NGLY1: variants seen among roughly 807,000 people sequenced by gnomAD.
NGLY1 encodes the protein peptide-N(4)-(N-acetyl-beta-glucosaminyl)asparagine amidase.
In NGLY1, 68 loss-of-function variants were observed where a neutral mutation model predicts 84.6. The ratio of observed to expected loss-of-function variants is 0.80; its 90% CI spans 0.66 to 0.98. The LOEUF (loss-of-function observed/expected upper bound fraction) is 0.98. Among genes scored for constraint, NGLY1 ranks in the 50% least tolerant of loss-of-function variants. NGLY1 has a pLI of 0.00. For missense variants in NGLY1, 779 were observed against 770.2 expected (o/e 1.01, Z -0.14); for synonymous variants, 280 against 275.2 (o/e 1.02, Z -0.17).
At chr3:25,742,635 C>T (rs1217798882) in intron 4 of NGLY1, among the ~76,000 whole-genome samples, 1 of 152,000 alleles carries the variant, frequency 6.6e-6, no homozygotes, top group East Asian at 1.9e-4. Flanking sequence ...GTTTTAGAAA[C>T]AGAGGACTGT....
intron 2 of NGLY1, among the ~76,000 whole-genome samples, chr3:25,775,454 C>T (rs935017267): frequency 1.2e-4 from 18 of 151,940 alleles, no homozygotes; most frequent in Admixed American, 9.8e-4. Context: ...TATTATTCCA[C>T]CATAAAAAAG....
intron 3 of NGLY1, chr3:25,755,809 C>T (rs1707008584): frequency 3.5e-6 from 2 of 567,346 alleles, no homozygotes; most frequent in South Asian, 5.0e-5. Context: ...ACTGTTAGAT[C>T]TCTTTAGTAA....
At chr3:25,790,006 AAG>A (rs1708690823) in exon 1 of NGLY1, 9 of 1,040,816 alleles carry the variant, frequency 8.6e-6, no homozygotes, top group African/African-American at 6.4e-5. Context: ...AACCGGCGGA[AAG>A]AGAGTCGAAC....
chr3:25,776,982 G>C (rs183946406), intron 2 of NGLY1, among the ~76,000 whole-genome samples: 4 of 152,114 alleles, frequency 2.6e-5, no homozygotes, highest in Non-Finnish European at 4.4e-5. Context: ...TTCTTATTTA[G>C]ACTAATGTAA....
chr3:25,736,158 G>GT lies in NGLY1; in HGVS notation c.1004-10dup, dbSNP rs1705808905. ...TTCTGTCCAGACATGGTCTACTCAA[G>GT]TAAGAGAAAAGAGAGCAATGGAAAA... is the stretch of plus-strand genomic sequence containing the variant. On this transcript the variant is annotated splice_polypyrimidine_tract_variant and intron_variant, in intron 6 of 11. Coordinates refer to ENST00000280700, the MANE Select transcript of NGLY1 (RefSeq NM_018297.4). The GT allele has an allele frequency of 6.2e-7, 1 of 1,609,254 alleles. No homozygotes were observed. The highest frequency in any genetic ancestry group is 8.5e-7 in the Non-Finnish European group (1 of 1,178,132).
At chr3:25,781,582 G>A (rs1708419917) in intron 1 of NGLY1, among the ~76,000 whole-genome samples, 1 of 152,038 alleles carries the variant, frequency 6.6e-6, no homozygotes, top group Admixed American at 6.6e-5. Context: ...TATCCTTTGC[G>A]CTCATTGTCA....
chr3:25,735,532 C>G (rs950066328), intron 7 of NGLY1: 1 of 153,070 alleles, frequency 6.5e-6, no homozygotes, highest in Non-Finnish European at 1.5e-5. Flanking sequence ...TCAGATCATA[C>G]TAAATGTTAG....
chr3:25,729,432 T>C, intron 9 of NGLY1, 114 bp from the exon 10 acceptor site: 2 of 548,660 alleles, frequency 3.6e-6, no homozygotes, highest in Non-Finnish European at 5.6e-6. Context: ...AAGAAAAAAT[T>C]AGTGCCATTG....
chr3:25,771,521 G>A (rs1424612650), intron 2 of NGLY1, among the ~76,000 whole-genome samples: 1 of 152,012 alleles, frequency 6.6e-6, no homozygotes, highest in Non-Finnish European at 1.5e-5. Flanking sequence ...GGCTACGTAG[G>A]CTGCTTTTAA....
At chr3:25,728,742 G>A (rs1392128805) in intron 10 of NGLY1, among the ~76,000 whole-genome samples, 3 of 151,876 alleles carry the variant, frequency 2.0e-5, no homozygotes, top group Non-Finnish European at 2.9e-5. Context: ...TAAATAGCCT[G>A]TATTTAATGG....
At chr3:25,730,188 TTAATTC>T (rs1705470443) in intron 9 of NGLY1, 1 of 152,044 alleles carries the variant, frequency 6.6e-6, no homozygotes, top group South Asian at 2.1e-4. Flanking sequence ...ATAAAATATT[TTAATTC>T]TAAGATTAAA....
chr3:25,783,005 G>A lies in NGLY1; in HGVS notation c.131+255C>T, dbSNP rs371866612. 1.7e-4 allele frequency: 75 copies of A among 431,528 alleles called. No homozygotes were observed. The East Asian group carries it at 2.3e-3, about 13-fold the overall frequency. 26.7% of individuals were successfully genotyped at this position (431,528 alleles called of 1,614,324 possible). ...CCGCTTCCGGGACTCCAGTTCACCCGCAGCACCCTGACTGCAGGTGCCAAG... is the reference window on the plus strand; with the variant it reads ...CCGCTTCCGGGACTCCAGTTCACCCACAGCACCCTGACTGCAGGTGCCAAG... On this transcript the variant is annotated intron_variant, in intron 1 of 11. Transcript: ENST00000280700. The surrounding 1 kb of genome is among the most constrained non-coding windows in gnomAD (Gnocchi z 4.5).
chr3:25,768,756 A>G (rs1296391632), intron 2 of NGLY1, among the ~76,000 whole-genome samples: 1 of 151,596 alleles, frequency 6.6e-6, no homozygotes, highest in Non-Finnish European at 1.5e-5. Flanking sequence ...CGTGTTAGAC[A>G]TGGTCTCAAA....
intron 9 of NGLY1, among the ~76,000 whole-genome samples, chr3:25,731,536 C>T (rs1326927159): frequency 6.6e-6 from 1 of 152,028 alleles, no homozygotes. Flanking sequence ...AACTGTTTGG[C>T]AATATGTACT....
rs143353538 is a variant in NGLY1, at chr3:25,739,762, C to G, written c.696G>C (p.Glu232Asp). 3.7e-6 allele frequency: 6 copies of G among 1,613,902 alleles called. No homozygotes were observed. The highest frequency in any genetic ancestry group is 5.1e-6 in the Non-Finnish European group (6 of 1,179,986). ...ATTCTTCCTTAAACCAGTGCAAAAG[C>G]TCCAGCAAAAGAAAATCCTCATCAC... The part of the protein sequence containing the change: ...NISDEDFLLL[E>D]LLHWFKEEFF... Residue 232 changes from glutamate (E) to aspartate (D), a missense_variant, in exon 5 of 12, where the codon GAG becomes GAC. By Grantham distance (45) the Glu-to-Asp change is conservative (BLOSUM62 2). Coordinates refer to ENST00000280700, the MANE Select transcript of NGLY1 (RefSeq NM_018297.4).
chr3:25,732,791 A>G (rs1198096535), intron 8 of NGLY1, among the ~76,000 whole-genome samples: 1 of 152,202 alleles, frequency 6.6e-6, no homozygotes, highest in Non-Finnish European at 1.5e-5. Flanking sequence ...GGCTTGTGTC[A>G]GAATGTCTTA....
intron 2 of NGLY1, among the ~76,000 whole-genome samples, chr3:25,775,551 T>G (rs1239416306): frequency 6.6e-6 from 1 of 152,060 alleles, no homozygotes; most frequent in Non-Finnish European, 1.5e-5. Flanking sequence ...GAAAGACAAA[T>G]AACACATGTT....
intron 3 of NGLY1, chr3:25,755,557 C>A: frequency 7.0e-7 from 1 of 1,430,522 alleles, no homozygotes; most frequent in Non-Finnish European, 9.9e-7. Context: ...ACTAATCCCT[C>A]AATGATTGGG....
At chr3:25,749,841 T>C in intron 4 of NGLY1, 1 of 1,066,362 alleles carries the variant, frequency 9.4e-7, no homozygotes, top group Non-Finnish European at 1.4e-6. Flanking sequence ...GCCACCCAGC[T>C]GGCCATCAGA....
Sources: allele counts gnomAD v4.1 joint callset (sites outside exome capture counted in the v4.1 genomes callset), GRCh38; gene constraint gnomAD v4.1.1; non-coding constraint Gnocchi (gnomAD v3.1); transcripts MANE v1.5; gene names NCBI Gene and HGNC (gene_info 2026-07-23, HGNC 2026-07-21).